AKAP6: variants seen among roughly 807,000 people sequenced by gnomAD.
AKAP6 encodes A-kinase anchor protein 6.
In AKAP6, 58 loss-of-function variants were observed where a neutral mutation model predicts 188.5. The observed-to-expected ratio is 0.31, with a 90% confidence interval of 0.25 to 0.38. The LOEUF is 0.38. Ranked by LOEUF, AKAP6 falls within the 10% of genes least tolerant of loss-of-function variation. The pLI, the probability that AKAP6 is intolerant of heterozygous loss-of-function variation, is 1.00. For synonymous variants in AKAP6, 989 were observed against 998.6 expected, an observed-to-expected ratio of 0.99 and a Z score of 0.18; for missense variants, 2,710 against 2,740.0, an observed-to-expected ratio of 0.99 and a Z score of 0.24.
intron 11 of AKAP6, among the ~76,000 whole-genome samples, chr14:32,754,763 A>C (rs1280455009): frequency 6.6e-6 from 1 of 152,160 alleles, no homozygotes; most frequent in Non-Finnish European, 1.5e-5. Flanking sequence ...TCATTGCCAA[A>C]TATGGTATTC....
intron 2 of AKAP6, among the ~76,000 whole-genome samples, chr14:32,443,127 G>A (rs1274613384): frequency 6.6e-6 from 1 of 152,182 alleles, no homozygotes; most frequent in Non-Finnish European, 1.5e-5. Context: ...CAGGCGTGGT[G>A]TCTCACGCCT....
chr14:32,830,106 TC>T lies in AKAP6; in HGVS notation c.*303del, dbSNP rs140401198. On this transcript the variant is annotated 3_prime_UTR_variant, in exon 14 of 14. Coordinates refer to ENST00000280979, the MANE Select transcript of AKAP6 (RefSeq NM_004274.5). ...AAGCTACCTCTACCAACCCTCTCTC[TC>T]CAGCTAGACTTTTCTCTTTGCCTCC... 5.1e-5 allele frequency: 31 copies of T among 612,808 alleles called. No individual in the cohort carries two copies. In the African/African-American group the frequency reaches 5.4e-4, roughly 11 times the overall value. The allele number at this position is 612,808 out of a possible 1,614,324, so 38.0% of individuals were successfully genotyped here.
chr14:32,453,334 G>C (rs1452585307), intron 2 of AKAP6, among the ~76,000 whole-genome samples: 3 of 152,104 alleles, frequency 2.0e-5, no homozygotes, highest in Admixed American at 2.0e-4. Context: ...CCTCTATCCA[G>C]CGTCCTTTCC....
intron 7 of AKAP6, among the ~76,000 whole-genome samples, chr14:32,647,071 A>G (rs1303846878): frequency 6.6e-6 from 1 of 152,176 alleles, no homozygotes; most frequent in East Asian, 1.9e-4. Flanking sequence ...TAGTCAAGAA[A>G]GTAAATTTAT....
At chr14:32,812,690 C>T (rs1279171995) in intron 12 of AKAP6, among the ~76,000 whole-genome samples, 1 of 152,186 alleles carries the variant, frequency 6.6e-6, no homozygotes, top group African/African-American at 2.4e-5. Context: ...TAATGATTTG[C>T]ACAAGAATTA....
chr14:32,614,653 C>T (rs1396365943), intron 7 of AKAP6, among the ~76,000 whole-genome samples: 1 of 152,094 alleles, frequency 6.6e-6, no homozygotes, highest in Non-Finnish European at 1.5e-5. Context: ...TAGCCATTTT[C>T]CTCCTTTGTC....
In AKAP6 at chr14:32,546,128, A is replaced by G. The variant is rs1883185701; in HGVS notation, c.1475A>G (p.Lys492Arg). Reference sequence around the variant, plus strand: ...AGGCTTAACGACTGCTATAAAGAGAAATCTCGACTTAAAAAGCCACACAAG... The same window carrying G: ...AGGCTTAACGACTGCTATAAAGAGAGATCTCGACTTAAAAAGCCACACAAG... ...LGRLNDCYKEKSRLKKPHKTS... is the reference protein window; with the variant it reads ...LGRLNDCYKERSRLKKPHKTS... Residue 492 changes from lysine to arginine, a missense_variant, in exon 4 of 14, where the codon AAA (lysine) becomes AGA (arginine). Transcript: ENST00000280979. 1 of 1,613,740 alleles carries G rather than the reference A, an allele frequency of 6.2e-7. No individual in the cohort carries two copies.
intron 8 of AKAP6, among the ~76,000 whole-genome samples, chr14:32,682,154 C>CAG (rs1889704508): frequency 1.3e-5 from 2 of 152,074 alleles, no homozygotes; most frequent in African/African-American, 2.4e-5. Flanking sequence ...GGAAAGACAG[C>CAG]AGAGAGAGAG....
chr14:32,537,852 A>G (rs886567379), intron 3 of AKAP6, among the ~76,000 whole-genome samples: 5 of 152,232 alleles, frequency 3.3e-5, no homozygotes, highest in Admixed American at 2.0e-4. Context: ...AATGATGAAG[A>G]GCCATGGACG....
intron 2 of AKAP6, among the ~76,000 whole-genome samples, chr14:32,479,184 A>T (rs1205249300): frequency 6.6e-6 from 1 of 152,200 alleles, no homozygotes; most frequent in Non-Finnish European, 1.5e-5. Flanking sequence ...ACTGATACAT[A>T]TTCTTATAAA....
In AKAP6 at chr14:32,386,938, A is replaced by T. The variant is rs373390726; in HGVS notation, c.-34-46522A>T. On this transcript the variant is annotated intron_variant, in intron 1 of 13. Coordinates refer to ENST00000280979, the MANE Select transcript of AKAP6 (RefSeq NM_004274.5). Reference sequence around the variant, plus strand: ...TGTAAGTATTTGGGTTTATTTATGGATTCTCTATTCTGTTCCATTAGTGTA... The same window carrying T: ...TGTAAGTATTTGGGTTTATTTATGGTTTCTCTATTCTGTTCCATTAGTGTA... Among the ~76,000 whole-genome samples, 6 of 151,874 alleles carry T rather than the reference A, an allele frequency of 4.0e-5. No homozygotes were observed. In the East Asian group the frequency reaches 9.7e-4, roughly 24 times the overall value.
rs1273006475 is a variant in AKAP6 at position 32,628,161 on chromosome 14, T to G, written c.2730+27369T>G. 3 of 152,102 alleles carry G rather than the reference T, an allele frequency of 2.0e-5. No individual in the cohort carries two copies. In the East Asian group the frequency reaches 5.8e-4, roughly 29 times the overall value. The allele number at this position is 152,102 out of a possible 1,614,324, so 9.4% of individuals were successfully genotyped here. ...AGAGTGCTCATTACTGCTAAATAATTGACTGTGTTGCCAGGTTTCTCAGTG... is the reference window on the plus strand; with the variant it reads ...AGAGTGCTCATTACTGCTAAATAATGGACTGTGTTGCCAGGTTTCTCAGTG... On this transcript the variant is annotated intron_variant, in intron 7 of 13. Transcript: ENST00000280979.
In AKAP6 at chr14:32,402,321, C is replaced by G. The variant is rs187103849; in HGVS notation, c.-34-31139C>G. ...TTGTACTGATGTGGCGTGAGGCACA[C>G]TATCTGGTCAGAAAATAAAGTTCTT... is the stretch of plus-strand genomic sequence containing the variant. On this transcript the variant is annotated intron_variant, in intron 1 of 13. Transcript: ENST00000280979. Among the ~76,000 whole-genome samples the G allele has an allele frequency of 2.2e-4, 34 of 152,342 alleles. No homozygotes were observed. In the East Asian group the frequency reaches 5.6e-3, roughly 25 times the overall value.
At chr14:32,585,926 G>C (rs566860839) in intron 5 of AKAP6, among the ~76,000 whole-genome samples, 1 of 152,114 alleles carries the variant, frequency 6.6e-6, no homozygotes, top group Non-Finnish European at 1.5e-5. Flanking sequence ...GGGTGGTAAA[G>C]GAGTTTGAAT....
chr14:32,606,753 T>C (rs1007041554), intron 7 of AKAP6, among the ~76,000 whole-genome samples: 4 of 152,182 alleles, frequency 2.6e-5, no homozygotes, highest in Non-Finnish European at 5.9e-5. Context: ...GGCTCTTAGA[T>C]TGAAGTCATC....
At chr14:32,591,265 T>C (rs1261090050) in intron 5 of AKAP6, among the ~76,000 whole-genome samples, 3 of 152,276 alleles carry the variant, frequency 2.0e-5, no homozygotes, top group East Asian at 3.9e-4. Flanking sequence ...GGGAATCCAT[T>C]TGGCCTAATG....
At chr14:32,804,743 C>T (rs1246444468) in intron 12 of AKAP6, among the ~76,000 whole-genome samples, 1 of 152,068 alleles carries the variant, frequency 6.6e-6, no homozygotes, top group East Asian at 1.9e-4. Flanking sequence ...TATCTCAGTC[C>T]TTATCTCAAC....
chr14:32,500,521 G>A (rs1305660031), intron 2 of AKAP6, among the ~76,000 whole-genome samples: 1 of 152,058 alleles, frequency 6.6e-6, no homozygotes, highest in Non-Finnish European at 1.5e-5. Flanking sequence ...TTACTATATG[G>A]GATGCATAGG....
At chr14:32,643,022 C>T (rs771811228) in intron 7 of AKAP6, among the ~76,000 whole-genome samples, 2 of 152,020 alleles carry the variant, frequency 1.3e-5, no homozygotes, top group African/African-American at 2.4e-5. Flanking sequence ...AAGAATAAAT[C>T]GAGACTTACT....
Sources: allele counts gnomAD v4.1 joint callset (sites outside exome capture counted in the v4.1 genomes callset), GRCh38; gene constraint gnomAD v4.1.1; transcripts MANE v1.5; gene names NCBI Gene and HGNC (gene_info 2026-07-23, HGNC 2026-07-21).